TNFSF4: variants seen among roughly 807,000 people sequenced by gnomAD.
TNFSF4 encodes the protein TNF superfamily member 4, also known as tumor necrosis factor ligand superfamily member 4.
In TNFSF4, 4 loss-of-function variants were observed where a neutral mutation model predicts 7.3. The ratio of observed to expected loss-of-function variants is 0.55; its 90% CI spans 0.27 to 1.25. The LOEUF is 1.25. Among genes scored for constraint, TNFSF4 ranks in the 50% most tolerant of loss-of-function variants. TNFSF4 has a pLI of 0.12. For synonymous variants in TNFSF4, 76 were observed against 83.7 expected (o/e 0.91, Z 0.50); for missense variants, 181 against 208.8 (o/e 0.87, Z 0.82).
chr1:173,353,521 T>C, the TNFSF4 span, among the ~76,000 whole-genome samples: 95,801 of 152,054 alleles, frequency 0.63, 30,395 homozygotes, highest in Admixed American at 0.69. Context: ...CATGATCTCA[T>C]TTGAAATAGT....
intron 2 of TNFSF4, 139 bp from the exon 3 acceptor site, chr1:173,187,004 T>C (rs943128800): frequency 1.7e-6 from 1 of 602,280 alleles, no homozygotes; most frequent in Non-Finnish European, 2.9e-6. Context: ...TGAGCCAAGA[T>C]CCCGCCACTG....
chr1:173,414,070 A>G, the TNFSF4 span, among the ~76,000 whole-genome samples: 2 of 152,220 alleles, frequency 1.3e-5, no homozygotes, highest in African/African-American at 4.8e-5. Context: ...CCTTATGTTC[A>G]GTTCTCATCG....
chr1:173,271,282 C>G, the TNFSF4 span, among the ~76,000 whole-genome samples: 1 of 152,078 alleles, frequency 6.6e-6, no homozygotes, highest in Non-Finnish European at 1.5e-5. Context: ...GGTTTTAGGT[C>G]TAACATTTAA....
the TNFSF4 span, among the ~76,000 whole-genome samples, chr1:173,239,829 G>A: frequency 9.3e-4 from 141 of 152,216 alleles, no homozygotes; most frequent in African/African-American, 2.7e-3. Flanking sequence ...CCAGGAGTTC[G>A]AGACTAGCCT....
the TNFSF4 span, among the ~76,000 whole-genome samples, chr1:173,290,729 G>GA: frequency 2.0e-5 from 3 of 151,986 alleles, no homozygotes; most frequent in East Asian, 5.8e-4. Context: ...TGACCAATTG[G>GA]ACCTAATAGA....
At chr1:173,434,557 C>T in the TNFSF4 span, among the ~76,000 whole-genome samples, 3 of 152,178 alleles carry the variant, frequency 2.0e-5, no homozygotes, top group African/African-American at 7.2e-5. Context: ...CATGGATGTG[C>T]TGGGGAATGT....
chr1:173,228,834 T>A, the TNFSF4 span, among the ~76,000 whole-genome samples: 1 of 152,244 alleles, frequency 6.6e-6, no homozygotes, highest in African/African-American at 2.4e-5. Context: ...GGATCAGTGA[T>A]TGAAGATCAA....
chr1:173,418,540 C>T, the TNFSF4 span: 3 of 151,728 alleles, frequency 2.0e-5, no homozygotes, highest in Non-Finnish European at 4.4e-5. Flanking sequence ...TTTCACTGCA[C>T]ACAGCTGTAA....
At chr1:173,419,744 G>T in the TNFSF4 span, among the ~76,000 whole-genome samples, 1 of 152,160 alleles carries the variant, frequency 6.6e-6, no homozygotes, top group Admixed American at 6.5e-5. Context: ...TGCCATGGCT[G>T]GGTCAGGGTC....
the TNFSF4 span, among the ~76,000 whole-genome samples, chr1:173,361,074 G>A: frequency 2.0e-5 from 3 of 152,298 alleles, no homozygotes; most frequent in Admixed American, 6.5e-5. Context: ...TACTGAATGT[G>A]GTTACAAGGA....
chr1:173,365,966 A>G, the TNFSF4 span, among the ~76,000 whole-genome samples: 10 of 152,222 alleles, frequency 6.6e-5, no homozygotes, highest in Non-Finnish European at 1.3e-4. Flanking sequence ...TATGTCTTAT[A>G]CAGGCAATAA....
the TNFSF4 span, among the ~76,000 whole-genome samples, chr1:173,317,760 C>T: frequency 4.5e-4 from 68 of 152,028 alleles, no homozygotes; most frequent in Non-Finnish European, 6.9e-4. Context: ...TAGATTTTGA[C>T]AAAATTCCAA....
the TNFSF4 span, among the ~76,000 whole-genome samples, chr1:173,304,878 A>C: frequency 6.6e-6 from 1 of 152,002 alleles, no homozygotes; most frequent in Non-Finnish European, 1.5e-5. Context: ...CATTTAGTCC[A>C]TCTCACAGTC....
At chr1:173,347,613 C>G in the TNFSF4 span, among the ~76,000 whole-genome samples, 1 of 152,194 alleles carries the variant, frequency 6.6e-6, no homozygotes, top group Non-Finnish European at 1.5e-5. Context: ...AGAAGGCAGG[C>G]AGAAAGAAAT....
At chr1:173,190,298 T>A (rs532806686) in intron 1 of TNFSF4, among the ~76,000 whole-genome samples, 2 of 152,346 alleles carry the variant, frequency 1.3e-5, no homozygotes, top group African/African-American at 4.8e-5. Flanking sequence ...GAAGACGGAT[T>A]TGTTTTTATG....
the TNFSF4 span, chr1:173,363,346 G>A: frequency 3.3e-6 from 1 of 302,178 alleles, no homozygotes; most frequent in South Asian, 3.5e-5. Flanking sequence ...ATTTTCTGCA[G>A]CTATCAACTG....
At chr1:173,301,910 A>T in the TNFSF4 span, among the ~76,000 whole-genome samples, 9 of 150,942 alleles carry the variant, frequency 6.0e-5, no homozygotes, top group African/African-American at 1.2e-4. Flanking sequence ...AATTGATTCA[A>T]CTTTAATAGC....
chr1:173,383,854 C>T, the TNFSF4 span, among the ~76,000 whole-genome samples: 2 of 151,922 alleles, frequency 1.3e-5, no homozygotes, highest in East Asian at 1.9e-4. Context: ...AGTTTCCAAC[C>T]GTATAAAATG....
the TNFSF4 span, among the ~76,000 whole-genome samples, chr1:173,232,055 G>T: frequency 6.6e-6 from 1 of 152,060 alleles, no homozygotes; most frequent in African/African-American, 2.4e-5. Context: ...AAATTACCCT[G>T]GGCAGTATGG....
Sources: allele counts gnomAD v4.1 joint callset (sites outside exome capture counted in the v4.1 genomes callset), GRCh38; gene constraint gnomAD v4.1.1; transcripts MANE v1.5; gene names NCBI Gene and HGNC (gene_info 2026-07-23, HGNC 2026-07-21).